Variants in SHROOM3 observed in about 807,000 individuals in gnomAD.
The protein encoded by SHROOM3 is protein Shroom3.
Under a neutral mutation model 138.6 loss-of-function variants are expected in SHROOM3, and 47 were observed. The observed-to-expected ratio is 0.34, with a 90% CI of 0.27 to 0.43. SHROOM3 has a LOEUF of 0.43. Ranked by LOEUF, SHROOM3 falls within the 20% of genes least tolerant of loss-of-function variation. The pLI, the probability that SHROOM3 is intolerant of heterozygous loss-of-function variation, is 1.00. For missense variants in SHROOM3, 2,491 were observed against 2,596.5 expected, an observed-to-expected ratio of 0.96 and a Z score of 0.88; for synonymous variants, 1,062 against 1,063.3, an observed-to-expected ratio of 1.00 and a Z score of 0.02.
chr4:76,512,214 T>A (rs1197318079), intron 1 of SHROOM3, among the ~76,000 whole-genome samples: 1 of 152,248 alleles, frequency 6.6e-6, no homozygotes, highest in East Asian at 1.9e-4. Context: ...CAGGAAGAAG[T>A]TGTTTAATGG....
At chr4:76,593,979 GTTTT>G (rs1432038979) in intron 2 of SHROOM3, among the ~76,000 whole-genome samples, 1 of 152,158 alleles carries the variant, frequency 6.6e-6, no homozygotes, top group Non-Finnish European at 1.5e-5. Flanking sequence ...GACTGGAGCT[GTTTT>G]TTCTTTTGGA....
intron 1 of SHROOM3, among the ~76,000 whole-genome samples, chr4:76,494,614 G>A (rs1731926786): frequency 6.6e-6 from 1 of 152,196 alleles, no homozygotes. Context: ...ACACATGTGT[G>A]GCACAAGAAA....
At chr4:76,681,594 G>GGTGTGTGTGTGTGTGTGTGTGTGTGT (rs558707266) in intron 2 of SHROOM3, among the ~76,000 whole-genome samples, 79 of 80,994 alleles carry the variant, frequency 9.8e-4, no homozygotes, top group East Asian at 3.2e-3. Context: ...CAGAGTCTAG[G>GGTGTGTGTGTGTGTGTGTGTGTGTGT]GTGTGTGTGT....
At position 76,471,487 on chromosome 4, in the gene SHROOM3, C is replaced by T. The variant is rs891814107; in HGVS notation, c.168+35267C>T. ...TCGATCTCCTGACCTTGTGATCCAC[C>T]CACCTTGGCCTCCCAAAGTGCTGGG... On this transcript the variant is annotated intron_variant, in intron 1 of 10. Transcript: ENST00000296043. Among the ~76,000 whole-genome samples, 4 of 152,114 alleles carry T rather than the reference C, an allele frequency of 2.6e-5. No homozygotes were observed. In the East Asian group the frequency reaches 7.7e-4, roughly 29 times the overall value.
chr4:76,436,145 C>T lies in SHROOM3; in HGVS notation c.93C>T (p.Phe31=). The change falls in exon 1 of 11, where the codon TTC becomes TTT. Residue 31 remains phenylalanine (F), a synonymous_variant. Coordinates refer to ENST00000296043, the MANE Select transcript of SHROOM3 (RefSeq NM_020859.4). ...TKGRYIYLEA[F]LEGGAPWGFT... ...GAAGGTACATTTATCTGGAGGCATT[C>T]CTGGAGGGAGGAGCTCCCTGGGGTT... The T allele has an allele frequency of 1.2e-6, 2 of 1,613,992 alleles. No individual in the cohort carries two copies. Among genetic ancestry groups the T allele is most frequent in the Non-Finnish European group, 1.7e-6 (2 of 1,179,928 alleles).
At chr4:76,765,661 G>A (rs368703133) in intron 9 of SHROOM3, among the ~76,000 whole-genome samples, 360 of 152,266 alleles carry the variant, frequency 2.4e-3, no homozygotes, top group Non-Finnish European at 4.1e-3. Context: ...CTTGTCAGGG[G>A]AAGGAGTATT....
intron 1 of SHROOM3, among the ~76,000 whole-genome samples, chr4:76,486,442 T>C (rs1031565640): frequency 1.3e-5 from 2 of 152,216 alleles, no homozygotes; most frequent in Non-Finnish European, 2.9e-5. Context: ...TCAATCCTCA[T>C]GAGTGTTGAC....
chr4:76,707,316 G>C (rs1283462260), intron 2 of SHROOM3, among the ~76,000 whole-genome samples: 1 of 152,214 alleles, frequency 6.6e-6, no homozygotes, highest in Non-Finnish European at 1.5e-5. Context: ...ATGATTCCAT[G>C]TGTGGTTTGA....
At chr4:76,603,429 A>T (rs185399631) in intron 2 of SHROOM3, among the ~76,000 whole-genome samples, 2 of 127,592 alleles carry the variant, frequency 1.6e-5, no homozygotes, top group Non-Finnish European at 3.5e-5. Context: ...AAACAAAAAC[A>T]AACAAACAAA....
At chr4:76,457,633 A>G (rs1420680080) in intron 1 of SHROOM3, among the ~76,000 whole-genome samples, 1 of 151,616 alleles carries the variant, frequency 6.6e-6, no homozygotes. Context: ...CTGGGATTAC[A>G]GGCACGCACC....
intron 3 of SHROOM3, among the ~76,000 whole-genome samples, chr4:76,722,594 C>T (rs993201091): frequency 5.9e-5 from 9 of 152,068 alleles, no homozygotes; most frequent in Admixed American, 2.6e-4. Flanking sequence ...ATCTATATAA[C>T]ACCCCCAGTC....
At chr4:76,483,367 A>G (rs563311065) in intron 1 of SHROOM3, among the ~76,000 whole-genome samples, 2 of 152,370 alleles carry the variant, frequency 1.3e-5, no homozygotes, top group East Asian at 3.9e-4. Context: ...AAAAGAAGAC[A>G]TTTATGTGGC....
At chr4:76,608,743 T>TAGCATAGCATAGCATAGCACAGCAC (rs1270655131) in intron 2 of SHROOM3, among the ~76,000 whole-genome samples, 3 of 130,438 alleles carry the variant, frequency 2.3e-5, no homozygotes, top group Non-Finnish European at 5.1e-5. Context: ...TAGCATAGCA[T>TAGCATAGCATAGCATAGCACAGCAC]AGCACAGTGT....
rs897397140 is a variant in SHROOM3, at chr4:76,767,754, A to G, written c.5350-2872A>G. Among the ~76,000 whole-genome samples, 5 of 152,202 alleles carry G rather than the reference A, an allele frequency of 3.3e-5. No individual in the cohort carries two copies. The East Asian group carries it at 7.7e-4, about 23-fold the overall frequency. On this transcript the variant is annotated intron_variant, in intron 9 of 10. Coordinates refer to ENST00000296043, the MANE Select transcript of SHROOM3 (RefSeq NM_020859.4). ...TTTAAATACAATGAGGCCACATGAA[A>G]TAATAGTTTAATAAGGGTTTTAGTT... is the stretch of plus-strand genomic sequence containing the variant.
intron 2 of SHROOM3, among the ~76,000 whole-genome samples, chr4:76,693,953 T>G (rs1446956049): frequency 7.3e-6 from 1 of 136,262 alleles, no homozygotes; most frequent in Admixed American, 7.5e-5. Flanking sequence ...CTATATTCTC[T>G]TCCCAAAGAT....
intron 1 of SHROOM3, among the ~76,000 whole-genome samples, chr4:76,469,011 G>A (rs1731308467): frequency 6.7e-6 from 1 of 150,358 alleles, no homozygotes; most frequent in East Asian, 2.0e-4. Flanking sequence ...TCCAGCCTGG[G>A]TGACAGAGCG....
intron 2 of SHROOM3, among the ~76,000 whole-genome samples, chr4:76,668,872 C>G (rs1001311707): frequency 2.0e-5 from 3 of 152,194 alleles, no homozygotes; most frequent in Non-Finnish European, 2.9e-5. Flanking sequence ...TAGAAAACTG[C>G]AATTTGGTTC....
chr4:76,614,822 G>A (rs1734838762), intron 2 of SHROOM3, among the ~76,000 whole-genome samples: 1 of 152,234 alleles, frequency 6.6e-6, no homozygotes, highest in African/African-American at 2.4e-5. Context: ...AAACAAGCCT[G>A]GGAGTCAAAT....
chr4:76,564,612 G>T (rs1733660798), intron 2 of SHROOM3, among the ~76,000 whole-genome samples: 1 of 152,162 alleles, frequency 6.6e-6, no homozygotes, highest in East Asian at 1.9e-4. Flanking sequence ...CTGTAATGAG[G>T]AAGGGGACAT....
Sources: allele counts gnomAD v4.1 joint callset (sites outside exome capture counted in the v4.1 genomes callset), GRCh38; gene constraint gnomAD v4.1.1; transcripts MANE v1.5; gene names NCBI Gene and HGNC (gene_info 2026-07-23, HGNC 2026-07-21).